Variants in CRB1 observed in about 807,000 individuals in gnomAD.
The protein encoded by CRB1 is protein crumbs homolog 1.
In CRB1, 83 loss-of-function variants were observed where a neutral mutation model predicts 120.0. The ratio of observed to expected loss-of-function variants is 0.69; its 90% CI spans 0.58 to 0.83. The LOEUF (loss-of-function observed/expected upper bound fraction) is 0.83, where lower values mean the gene tolerates loss of function less well. Among genes scored for constraint, CRB1 ranks in the 40% least tolerant of loss-of-function variants. The pLI, the probability that CRB1 is intolerant of heterozygous loss-of-function variation, is 0.00. For synonymous variants in CRB1, 625 were observed against 612.5 expected, an observed-to-expected ratio of 1.02 and a Z score of -0.30; for missense variants, 1,699 against 1,687.6, an observed-to-expected ratio of 1.01 and a Z score of -0.12.
At chr1:197,466,783 C>T (rs1469494162) in intron 11 of CRB1, among the ~76,000 whole-genome samples, 1 of 152,178 alleles carries the variant, frequency 6.6e-6, no homozygotes, top group East Asian at 1.9e-4. Context: ...GAATTAATAG[C>T]AGCTTTTAAC....
At chr1:197,397,368 G>T (rs1348330851) in intron 5 of CRB1, among the ~76,000 whole-genome samples, 1 of 152,014 alleles carries the variant, frequency 6.6e-6, no homozygotes, top group Non-Finnish European at 1.5e-5. Context: ...TTGGTGGCAG[G>T]GATGTAAAAT....
intron 11 of CRB1, among the ~76,000 whole-genome samples, chr1:197,459,364 A>G (rs1413718399): frequency 6.6e-6 from 1 of 152,160 alleles, no homozygotes; most frequent in Admixed American, 6.5e-5. Flanking sequence ...CTGCTGTAAC[A>G]AAATGCCATT....
chr1:197,338,848 T>C (rs2125319982), intron 2 of CRB1, among the ~76,000 whole-genome samples: 1 of 151,784 alleles, frequency 6.6e-6, no homozygotes, highest in South Asian at 2.1e-4. Context: ...ACATCATCAG[T>C]CTTACATACA....
chr1:197,331,551 TAAATTTTTGAATAAAAATAAG>T (rs1375780466), intron 2 of CRB1, among the ~76,000 whole-genome samples: 2 of 152,168 alleles, frequency 1.3e-5, no homozygotes, highest in Non-Finnish European at 2.9e-5. Flanking sequence ...CAATATTTTT[TAAATTTTTGAATAAAAATAAG>T]AAATTTTTGT....
chr1:197,309,797 T>TAAATAAA (rs1458253545), intron 1 of CRB1, among the ~76,000 whole-genome samples: 2 of 150,658 alleles, frequency 1.3e-5, no homozygotes, highest in African/African-American at 2.5e-5. Flanking sequence ...AATAAATAAA[T>TAAATAAA]TTACTTATGT....
chr1:197,403,804 C>T (rs895081527), intron 5 of CRB1, among the ~76,000 whole-genome samples: 11 of 152,230 alleles, frequency 7.2e-5, no homozygotes, highest in East Asian at 1.9e-4. Context: ...CCCCCTGCCC[C>T]GCTCTTCCCC....
chr1:197,465,789 A>G (rs902976879), intron 11 of CRB1, among the ~76,000 whole-genome samples: 26 of 152,234 alleles, frequency 1.7e-4, no homozygotes, highest in African/African-American at 5.8e-4. Flanking sequence ...TGACAGTGAC[A>G]ATAGAAATGG....
intron 11 of CRB1, among the ~76,000 whole-genome samples, chr1:197,458,657 C>A (rs889508266): frequency 6.6e-6 from 1 of 152,100 alleles, no homozygotes; most frequent in Non-Finnish European, 1.5e-5. Flanking sequence ...TGAAAGAATG[C>A]AAGCATCTTC....
In CRB1 at chr1:197,421,249, G is replaced by C; in HGVS notation, c.1421G>C (p.Gly474Ala). ...GGATTCAGCTGCCTATGTCCATCTG[G>C]CTACACCGGGTCCCTGTGTGAAATC... is the stretch of plus-strand genomic sequence containing the variant. Reference protein sequence around the residue: ...QHGFSCLCPSGYTGSLCEIAT... With the variant: ...QHGFSCLCPSAYTGSLCEIAT... The change falls in exon 6 of 12, where the codon GGC becomes GCC. Residue 474 changes from glycine to alanine, a missense_variant. Coordinates refer to ENST00000367400, the MANE Select transcript of CRB1 (RefSeq NM_201253.3). 6.2e-7 allele frequency: 1 copy of C among 1,614,176 alleles called. No homozygotes were observed. The highest frequency in any genetic ancestry group is 8.5e-7 in the Non-Finnish European group (1 of 1,180,026).
chr1:197,333,035 T>C (rs1180128109), intron 2 of CRB1, among the ~76,000 whole-genome samples: 2 of 152,202 alleles, frequency 1.3e-5, no homozygotes, highest in East Asian at 1.9e-4. Flanking sequence ...TGTATTACAA[T>C]GACCTAGCTG....
chr1:197,276,224 C>T (rs928071038), intron 1 of CRB1, among the ~76,000 whole-genome samples: 2 of 151,880 alleles, frequency 1.3e-5, no homozygotes, highest in East Asian at 1.9e-4. Context: ...TGCTGTATCC[C>T]GTACATGTAG....
At chr1:197,339,044 T>C (rs1175363922) in intron 2 of CRB1, among the ~76,000 whole-genome samples, 1 of 152,234 alleles carries the variant, frequency 6.6e-6, no homozygotes, top group African/African-American at 2.4e-5. Flanking sequence ...AAATCTGCTT[T>C]AAGTGAATGA....
At chr1:197,427,272 G>A (rs568101277) in intron 6 of CRB1, among the ~76,000 whole-genome samples, 182 bp from the exon 7 acceptor site, 25 of 152,296 alleles carry the variant, frequency 1.6e-4, no homozygotes, top group South Asian at 6.2e-4. Flanking sequence ...AGTCCAGAAA[G>A]AGGCCAAATC....
the CRB1 span, chr1:197,223,284 G>A: frequency 2.4e-6 from 2 of 840,074 alleles, no homozygotes; most frequent in East Asian, 5.0e-5. Flanking sequence ...TTAGAAAAGG[G>A]GTTTGGAAAT....
At chr1:197,223,532 G>A in the CRB1 span, among the ~76,000 whole-genome samples, 1 of 152,032 alleles carries the variant, frequency 6.6e-6, no homozygotes, top group African/African-American at 2.4e-5. Context: ...AATATGCACT[G>A]AAAGAAATTA....
the CRB1 span, among the ~76,000 whole-genome samples, chr1:197,239,942 G>A: frequency 6.7e-6 from 1 of 150,208 alleles, no homozygotes; most frequent in Non-Finnish European, 1.5e-5. Flanking sequence ...GTCTATTTGT[G>A]TCATAATTTT....
At chr1:197,387,852 C>T (rs919840476) in intron 5 of CRB1, among the ~76,000 whole-genome samples, 1 of 151,654 alleles carries the variant, frequency 6.6e-6, no homozygotes, top group Non-Finnish European at 1.5e-5. Context: ...TTTCTATTGC[C>T]ACCAAACGAA....
At chr1:197,391,850 C>T (rs1012750753) in intron 5 of CRB1, among the ~76,000 whole-genome samples, 4 of 152,120 alleles carry the variant, frequency 2.6e-5, no homozygotes, top group African/African-American at 4.8e-5. Flanking sequence ...CAGTAATATA[C>T]AGCAGGGTGA....
the CRB1 span, among the ~76,000 whole-genome samples, chr1:197,202,198 C>T: frequency 6.6e-6 from 1 of 152,170 alleles, no homozygotes. Context: ...GGGCCGCACT[C>T]CATGGAAGAA....
Sources: gnomAD v4.1 joint callset for allele counts (sites outside exome capture counted in the v4.1 genomes callset) on GRCh38, gnomAD v4.1.1 for gene constraint, MANE v1.5 for transcripts, NCBI Gene and HGNC (gene_info 2026-07-23, HGNC 2026-07-21) for gene names.